MAPRE2: variants seen among roughly 807,000 people sequenced by gnomAD.
MAPRE2 encodes the protein microtubule associated protein RP/EB family member 2, also known as microtubule-associated protein RP/EB family member 2.
A neutral mutation model predicts 43.2 loss-of-function variants in MAPRE2; 13 were observed. That is an observed-to-expected ratio of 0.30 (90% CI 0.20 to 0.48). The LOEUF (loss-of-function observed/expected upper bound fraction) is 0.48. MAPRE2 is among the 20% of genes least tolerant of loss of function. MAPRE2 has a pLI of 0.99. For missense variants in MAPRE2, 161 were observed against 400.2 expected (o/e 0.40, Z 5.10); for synonymous variants, 135 against 148.8 (o/e 0.91, Z 0.68).
intron 1 of MAPRE2, among the ~76,000 whole-genome samples, chr18:35,056,319 A>T (rs1384901504): frequency 6.6e-6 from 1 of 152,186 alleles, no homozygotes; most frequent in Non-Finnish European, 1.5e-5. Context: ...TATGCTTATT[A>T]TTATAACAAT....
chr18:35,131,888 C>T, intron 5 of MAPRE2, 144 bp from the exon 6 acceptor site: 2 of 773,954 alleles, frequency 2.6e-6, no homozygotes, highest in Non-Finnish European at 4.1e-6. Flanking sequence ...GACAACAGCC[C>T]TGTTGTTTCT....
chr18:35,039,536 C>A (rs1417596475), upstream of MAPRE2, among the ~76,000 whole-genome samples: 1 of 151,984 alleles, frequency 6.6e-6, no homozygotes, highest in Non-Finnish European at 1.5e-5. Flanking sequence ...ACTGGAGAAG[C>A]AAAAGATAAA....
chr18:35,088,258 A>T (rs1381660136), intron 2 of MAPRE2, among the ~76,000 whole-genome samples: 1 of 152,202 alleles, frequency 6.6e-6, no homozygotes, highest in Non-Finnish European at 1.5e-5. Context: ...CTCTGAGGAG[A>T]TGACATATAA....
chr18:35,063,732 G>A (rs1359332500), intron 1 of MAPRE2, among the ~76,000 whole-genome samples: 3 of 151,962 alleles, frequency 2.0e-5, no homozygotes, highest in African/African-American at 7.2e-5. Context: ...TGTGGCTCAC[G>A]CCTGTAATCC....
At chr18:35,047,144 AGTGT>A (rs931732442) in intron 1 of MAPRE2, among the ~76,000 whole-genome samples, 1 of 152,154 alleles carries the variant, frequency 6.6e-6, no homozygotes. Flanking sequence ...TACCCTAAAT[AGTGT>A]GTGTGTGTTT....
intron 6 of MAPRE2, among the ~76,000 whole-genome samples, chr18:35,137,493 C>T (rs971284360): frequency 2.0e-5 from 3 of 152,188 alleles, no homozygotes; most frequent in Admixed American, 6.5e-5. Context: ...CCAGTTGTGA[C>T]GTGAGCAAAT....
chr18:35,021,096 G>C (rs2097041656), intron 2 of MAPRE2, among the ~76,000 whole-genome samples: 1 of 152,124 alleles, frequency 6.6e-6, no homozygotes, highest in Admixed American at 6.5e-5. Flanking sequence ...CCATCTCAAG[G>C]GGGCAGAGAG....
chr18:35,080,443 A>C (rs960607961), intron 2 of MAPRE2, among the ~76,000 whole-genome samples: 4 of 152,170 alleles, frequency 2.6e-5, no homozygotes, highest in African/African-American at 9.7e-5. Flanking sequence ...GTATGAAGCA[A>C]AGGCAGAGAA....
intron 2 of MAPRE2, among the ~76,000 whole-genome samples, chr18:35,018,285 C>G (rs1025125860): frequency 6.6e-6 from 1 of 151,734 alleles, no homozygotes; most frequent in Non-Finnish European, 1.5e-5. Flanking sequence ...TTTGTTGTGT[C>G]TTTGCCAGGT....
chr18:35,055,973 A>G (rs941248589), intron 1 of MAPRE2, among the ~76,000 whole-genome samples: 2 of 150,704 alleles, frequency 1.3e-5, no homozygotes, highest in African/African-American at 4.9e-5. Context: ...AAAAAAAAAG[A>G]TGTTTAGGAA....
chr18:35,037,886 G>A (rs558113388), upstream of MAPRE2, among the ~76,000 whole-genome samples: 28 of 152,222 alleles, frequency 1.8e-4, no homozygotes, highest in Middle Eastern at 6.8e-3. Flanking sequence ...TATGTGAGTG[G>A]GGCTTATAGG....
intron 2 of MAPRE2, among the ~76,000 whole-genome samples, chr18:35,085,113 A>G (rs897052972): frequency 2.6e-5 from 4 of 152,350 alleles, no homozygotes; most frequent in East Asian, 1.9e-4. Context: ...TAAAATGTTA[A>G]TATTTCAAAG....
At chr18:35,133,077 T>TC (rs1910235192) in intron 6 of MAPRE2, among the ~76,000 whole-genome samples, 1 of 152,128 alleles carries the variant, frequency 6.6e-6, no homozygotes, top group Admixed American at 6.5e-5. Context: ...TCTGAGGGCC[T>TC]CCAGTGGAGT....
chr18:35,135,859 G>A (rs538536022), intron 6 of MAPRE2, among the ~76,000 whole-genome samples: 5 of 152,234 alleles, frequency 3.3e-5, no homozygotes, highest in Non-Finnish European at 7.3e-5. Flanking sequence ...ACAGATGCCT[G>A]GTGGTCTGCC....
intron 2 of MAPRE2, among the ~76,000 whole-genome samples, chr18:35,094,350 A>C (rs967619740): frequency 1.3e-5 from 2 of 152,230 alleles, no homozygotes; most frequent in African/African-American, 4.8e-5. Flanking sequence ...TGGCATGATA[A>C]AATTTAGGAA....
At chr18:35,035,919 A>G (rs1411728104) in intron 2 of MAPRE2, among the ~76,000 whole-genome samples, 1 of 139,226 alleles carries the variant, frequency 7.2e-6, no homozygotes, top group African/African-American at 2.7e-5. Flanking sequence ...CCTCCAAATA[A>G]TATGTGTCTC....
chr18:35,048,674 A>G (rs1338650166), intron 1 of MAPRE2, among the ~76,000 whole-genome samples: 1 of 149,078 alleles, frequency 6.7e-6, no homozygotes, highest in Non-Finnish European at 1.5e-5. Context: ...ATGTATTAAT[A>G]CTATACGTAC....
At chr18:35,009,354 G>A (rs1477108263) in intron 2 of MAPRE2, among the ~76,000 whole-genome samples, 4 of 152,044 alleles carry the variant, frequency 2.6e-5, no homozygotes, top group Non-Finnish European at 5.9e-5. Context: ...AGGTGACCAA[G>A]GCAGAGCTCT....
intron 1 of MAPRE2, among the ~76,000 whole-genome samples, chr18:35,044,066 G>A (rs1362986738): frequency 6.6e-6 from 1 of 152,126 alleles, no homozygotes; most frequent in Non-Finnish European, 1.5e-5. Flanking sequence ...GTTTGGTATG[G>A]CCCTCAACAA....
Sources: allele counts gnomAD v4.1 joint callset (sites outside exome capture counted in the v4.1 genomes callset), GRCh38; gene constraint gnomAD v4.1.1; transcripts MANE v1.5; gene names NCBI Gene and HGNC (gene_info 2026-07-23, HGNC 2026-07-21).